SP4: variants seen among roughly 807,000 people sequenced by gnomAD.
SP4 encodes transcription factor Sp4.
A neutral mutation model predicts 72.8 loss-of-function variants in SP4; 19 were observed. That is an observed-to-expected ratio of 0.26 (90% confidence interval 0.18 to 0.38). The LOEUF (loss-of-function observed/expected upper bound fraction) is 0.38, where lower values mean the gene tolerates loss of function less well. SP4 is among the 10% of genes least tolerant of loss of function. SP4 has a pLI of 1.00. For synonymous variants in SP4, 395 were observed against 333.1 expected (o/e 1.19, Z -2.02); for missense variants, 1,008 against 926.3 (o/e 1.09, Z -1.14).
chr7:21,511,225 A>G lies in SP4; in HGVS notation c.2311A>G (p.Asn771Asp). 1 of 1,614,190 alleles carries G rather than the reference A, an allele frequency of 6.2e-7. No individual in the cohort carries two copies. The highest frequency in any genetic ancestry group is 8.5e-7 in the Non-Finnish European group (1 of 1,180,008). The change falls in exon 6 of 6, where the codon AAT becomes GAT. Residue 771 changes from asparagine to aspartate, a missense_variant. Coordinates refer to ENST00000222584, the MANE Select transcript of SP4 (RefSeq NM_003112.5). ...VTVAAISQDS[N>D]PATPNVSTNM... The stretch of plus-strand genomic sequence containing the variant: ...AGTTGCAGCCATTTCTCAAGATTCG[A>G]ATCCAGCAACTCCCAATGTTTCAAC...
chr7:21,504,761 A>G (rs1047348386), intron 5 of SP4, among the ~76,000 whole-genome samples: 1 of 152,216 alleles, frequency 6.6e-6, no homozygotes, highest in African/African-American at 2.4e-5. Context: ...TTGGTTTAAT[A>G]TATTCCTGAC....
intron 3 of SP4, among the ~76,000 whole-genome samples, chr7:21,460,832 A>C (rs1320417227): frequency 6.6e-6 from 1 of 152,008 alleles, no homozygotes; most frequent in Non-Finnish European, 1.5e-5. Context: ...GCATTTACAA[A>C]CCTTGAGCTA....
intron 5 of SP4, among the ~76,000 whole-genome samples, chr7:21,507,812 C>A (rs1782039362): frequency 6.6e-6 from 1 of 151,996 alleles, no homozygotes; most frequent in Non-Finnish European, 1.5e-5. Flanking sequence ...CTCAGCACCC[C>A]CTACTGGAGG....
At chr7:21,464,599 G>A (rs1265369592) in intron 3 of SP4, among the ~76,000 whole-genome samples, 1 of 128,370 alleles carries the variant, frequency 7.8e-6, no homozygotes, top group African/African-American at 3.2e-5. Context: ...TTTTTTTTTA[G>A]AGATGGGGTC....
At chr7:21,445,420 A>T (rs750572201) in intron 3 of SP4, among the ~76,000 whole-genome samples, 1 of 152,206 alleles carries the variant, frequency 6.6e-6, no homozygotes, top group African/African-American at 2.4e-5. Flanking sequence ...CTAATCCTGC[A>T]TGTAATTTTT....
intron 5 of SP4, among the ~76,000 whole-genome samples, chr7:21,485,534 A>C (rs533974299): frequency 7.9e-5 from 12 of 152,008 alleles, no homozygotes; most frequent in Non-Finnish European, 1.2e-4. Context: ...CATATACTTA[A>C]ACACTGTTAT....
chr7:21,504,163 A>G (rs1437583329), intron 5 of SP4, among the ~76,000 whole-genome samples: 4 of 152,126 alleles, frequency 2.6e-5, no homozygotes, highest in South Asian at 2.1e-4. Context: ...TGTAGCTTCT[A>G]TAGTGTTCCC....
intron 3 of SP4, among the ~76,000 whole-genome samples, chr7:21,461,498 C>CG (rs1181324476): frequency 6.6e-6 from 1 of 152,166 alleles, no homozygotes; most frequent in Non-Finnish European, 1.5e-5. Context: ...CCCTCACTGC[C>CG]GGGGGCCAGC....
At chr7:21,438,610 A>AT (rs1416594050) in intron 3 of SP4, among the ~76,000 whole-genome samples, 1 of 152,136 alleles carries the variant, frequency 6.6e-6, no homozygotes, top group Non-Finnish European at 1.5e-5. Context: ...TAGTTACGAT[A>AT]TGTTATCTCG....
intron 4 of SP4, among the ~76,000 whole-genome samples, chr7:21,478,678 C>A (rs1450430849): frequency 6.6e-6 from 1 of 152,150 alleles, no homozygotes; most frequent in East Asian, 1.9e-4. Flanking sequence ...TTATTTGGAT[C>A]TTTTGCCCAT....
intron 5 of SP4, among the ~76,000 whole-genome samples, chr7:21,505,939 C>T (rs1708130948): frequency 6.6e-6 from 1 of 152,078 alleles, no homozygotes; most frequent in South Asian, 2.1e-4. Flanking sequence ...ATTTTTAACC[C>T]TCTGTTGCCT....
rs191670653 is a variant in SP4, at chr7:21,437,308, T to G, written c.1678+6465T>G. ...CTAAGAAACTAGGTTCATATCTTCT[T>G]TCTTTAGGATTTCCAGATGAGTATC... On this transcript the variant is annotated intron_variant, in intron 3 of 5. Transcript: ENST00000222584. Among the ~76,000 whole-genome samples the G allele has an allele frequency of 2.6e-5, 4 of 152,314 alleles. No homozygotes were observed. The East Asian group carries it at 7.7e-4, about 29-fold the overall frequency.
chr7:21,485,434 C>T lies in SP4; in HGVS notation c.2107+3311C>T, dbSNP rs889310196. On this transcript the variant is annotated intron_variant, in intron 5 of 5. Coordinates refer to ENST00000222584, the MANE Select transcript of SP4 (RefSeq NM_003112.5). ...TAATAAGGAGGCTCTTTGCCCCACC[C>T]CATCCTGCTTTCCAGAGAATATCAT... 1.3e-4 allele frequency among the ~76,000 whole-genome samples: 20 copies of T among 152,056 alleles called. No individual in the cohort carries two copies. The Middle Eastern group carries it at 0.01, about 78-fold the overall frequency.
Position 21,428,199 on chromosome 7 carries a change from C to CCCCCCCCCCT in SP4, c.-53_-52insCCCCCCCCCT. On this transcript the variant is annotated 5_prime_UTR_variant, in exon 1 of 6. Coordinates refer to ENST00000222584, the MANE Select transcript of SP4 (RefSeq NM_003112.5). ...TCTCCTCCCGCCTCGCCCCCACCCC[C>CCCCCCCCCCT]ACCCACCTCTATCCCAGTGTCTCCG... The CCCCCCCCCCT allele has an allele frequency of 1.8e-6, 2 of 1,119,140 alleles. No homozygotes were observed. Among genetic ancestry groups the CCCCCCCCCCT allele is most frequent in the Admixed American group, 2.1e-5 (1 of 47,594 alleles). 69.3% of individuals were successfully genotyped at this position (1,119,140 alleles called of 1,614,324 possible). A position where few individuals can be genotyped will look rare whatever the true frequency, so the allele number is the denominator to read the frequency against.
At chr7:21,485,649 A>G (rs1784795254) in intron 5 of SP4, among the ~76,000 whole-genome samples, 1 of 151,986 alleles carries the variant, frequency 6.6e-6, no homozygotes, top group Non-Finnish European at 1.5e-5. Flanking sequence ...TCTTTTGAAA[A>G]ACTGTATGCA....
chr7:21,489,252 A>G (rs1020031350), intron 5 of SP4, among the ~76,000 whole-genome samples: 1 of 152,240 alleles, frequency 6.6e-6, no homozygotes, highest in South Asian at 2.1e-4. Context: ...AATTTTTTTA[A>G]CAAAATAAGG....
intron 5 of SP4, among the ~76,000 whole-genome samples, chr7:21,491,799 C>T (rs1354398861): frequency 6.6e-6 from 1 of 152,088 alleles, no homozygotes; most frequent in Non-Finnish European, 1.5e-5. Flanking sequence ...AGTATAGTAA[C>T]AAGAGCAAAG....
chr7:21,479,512 C>T (rs756902285), intron 4 of SP4, among the ~76,000 whole-genome samples: 3 of 152,138 alleles, frequency 2.0e-5, no homozygotes, highest in Non-Finnish European at 2.9e-5. Context: ...ATGTCAGTAC[C>T]ACACTATCTT....
intron 3 of SP4, among the ~76,000 whole-genome samples, chr7:21,431,518 G>GTTTA (rs1300851832): frequency 1.3e-5 from 2 of 152,180 alleles, no homozygotes; most frequent in African/African-American, 4.8e-5. Context: ...ATTTGTAGAT[G>GTTTA]TTTAATGTAA....
Sources: allele counts gnomAD v4.1 joint callset (sites outside exome capture counted in the v4.1 genomes callset), GRCh38; gene constraint gnomAD v4.1.1; transcripts MANE v1.5; gene names NCBI Gene and HGNC (gene_info 2026-07-23, HGNC 2026-07-21).